ALMS1: variants seen among roughly 807,000 people sequenced by gnomAD.
ALMS1 encodes the protein centrosome-associated protein ALMS1.
ALMS1 carries 271 observed loss-of-function variants against 352.2 expected under a neutral mutation model. The ratio of observed to expected loss-of-function variants is 0.77; its 90% CI spans 0.70 to 0.85. The LOEUF is 0.85. Among genes scored for constraint, ALMS1 ranks in the 40% least tolerant of loss-of-function variants. ALMS1 has a pLI of 0.00. For missense variants in ALMS1, 5,445 were observed against 4,870.7 expected (o/e 1.12, Z -3.51); for synonymous variants, 1,865 against 1,761.2 (o/e 1.06, Z -1.48).
At chr2:73,460,133 T>A (rs1672157826) in intron 9 of ALMS1, among the ~76,000 whole-genome samples, 1 of 152,112 alleles carries the variant, frequency 6.6e-6, no homozygotes, top group African/African-American at 2.4e-5. Context: ...TTGTTTAAAC[T>A]CCCTTGTATG....
chr2:73,435,973 T>C (rs1408377330), intron 7 of ALMS1, among the ~76,000 whole-genome samples: 2 of 152,240 alleles, frequency 1.3e-5, no homozygotes, highest in Admixed American at 6.5e-5. Context: ...GTTACCGATG[T>C]AGTTATTTTT....
At chr2:73,541,939 A>G (rs1257205479) in intron 12 of ALMS1, among the ~76,000 whole-genome samples, 1 of 152,238 alleles carries the variant, frequency 6.6e-6, no homozygotes, top group Non-Finnish European at 1.5e-5. Flanking sequence ...TACCAGAGGT[A>G]CAAGGAGGAG....
chr2:73,445,033 AATTTGAGTTT>A (rs1671780579), intron 7 of ALMS1, among the ~76,000 whole-genome samples: 1 of 105,374 alleles, frequency 9.5e-6, no homozygotes, highest in Non-Finnish European at 2.5e-5. Flanking sequence ...AAAAAACATG[AATTTGAGTTT>A]ACTTCTCTGT....
At chr2:73,576,325 A>G (rs1675052876) in intron 16 of ALMS1, among the ~76,000 whole-genome samples, 1 of 152,076 alleles carries the variant, frequency 6.6e-6, no homozygotes, top group Non-Finnish European at 1.5e-5. Flanking sequence ...ATTTTAGTAA[A>G]TATTTTATTG....
intron 10 of ALMS1, among the ~76,000 whole-genome samples, chr2:73,497,476 G>T (rs1463459492): frequency 6.6e-6 from 1 of 151,926 alleles, no homozygotes; most frequent in Non-Finnish European, 1.5e-5. Context: ...ATATATTGCA[G>T]GTTCAGTTCC....
At chr2:73,424,966 G>A in intron 5 of ALMS1, 64 bp downstream of exon 5, 1 of 1,416,068 alleles carries the variant, frequency 7.1e-7, no homozygotes, top group East Asian at 2.4e-5. Flanking sequence ...ATTCCCAAGG[G>A]AAGTAACAAT....
At chr2:73,511,262 G>A (rs1461243644) in intron 10 of ALMS1, among the ~76,000 whole-genome samples, 3 of 152,086 alleles carry the variant, frequency 2.0e-5, no homozygotes, top group African/African-American at 7.2e-5. Flanking sequence ...AACTATCTCG[G>A]TGTCTGCCCA....
chr2:73,432,397 A>G (rs1671518122), intron 7 of ALMS1, 106 bp downstream of exon 7: 1 of 749,426 alleles, frequency 1.3e-6, no homozygotes, highest in Non-Finnish European at 2.3e-6. Context: ...TATAATAATT[A>G]TACTTCAGAT....
chr2:73,386,459 C>T (rs926889872), intron 1 of ALMS1, among the ~76,000 whole-genome samples: 3 of 152,136 alleles, frequency 2.0e-5, no homozygotes, highest in African/African-American at 4.8e-5. Context: ...CTGCATTCCC[C>T]GTGAGAAACG....
chr2:73,521,059 A>G (rs1673665032), intron 11 of ALMS1, among the ~76,000 whole-genome samples: 1 of 152,204 alleles, frequency 6.6e-6, no homozygotes, highest in South Asian at 2.1e-4. Flanking sequence ...CAGCATTTAA[A>G]TTGCATTGAA....
intron 12 of ALMS1, among the ~76,000 whole-genome samples, chr2:73,539,576 C>A (rs563276622): frequency 2.0e-5 from 3 of 152,050 alleles, no homozygotes; most frequent in Non-Finnish European, 4.4e-5. Context: ...CAAACTACTC[C>A]GAGCTAAAGG....
In ALMS1 at chr2:73,572,702, CAG is replaced by C. The variant is rs755616266; in HGVS notation, c.10828_10829del (p.Arg3610AlafsTer6). 6.2e-6 allele frequency: 10 copies of C among 1,613,948 alleles called. No individual in the cohort carries two copies. The East Asian group carries it at 2.0e-4, about 32-fold the overall frequency. ...NELWNKYRER[Q>X]RQQRQPELGD... ...ACTGTGGAACAAGTATCGGGAGCGA[CAG>C]AGGCAACAGAGACAGCCTGAGTTGG... On this transcript the variant is annotated frameshift_variant, in exon 16 of 23. Transcript: ENST00000613296. LOFTEE classifies it high-confidence loss of function.
Position 73,451,556 on chromosome 2 carries a change from C to T in ALMS1, c.5029C>T (p.Gln1677Ter). The T allele has an allele frequency of 6.2e-7, 1 of 1,614,002 alleles. No individual in the cohort carries two copies. The highest frequency in any genetic ancestry group is 2.2e-5 in the East Asian group (1 of 44,864). Residue 1677 changes from glutamine to a stop codon, truncating the protein, a stop_gained, in exon 8 of 23, where the codon CAG (glutamine) becomes TAG (stop). Coordinates refer to ENST00000613296, the MANE Select transcript of ALMS1 (RefSeq NM_001378454.1). LOFTEE classifies it high-confidence loss of function. ...NRGKPVIFYQQTLSDSHLPEE... is the reference protein window; with the variant it reads ...NRGKPVIFYQ Reference sequence around the variant, plus strand: ...GGGGAAGCCTGTCATTTTCTACCAGCAGACCCTATCAGACAGTCATTTACC... The same window carrying T: ...GGGGAAGCCTGTCATTTTCTACCAGTAGACCCTATCAGACAGTCATTTACC...
At position 73,532,894 on chromosome 2, in the gene ALMS1, T is replaced by C. The variant is rs751228297; in HGVS notation, c.9782-1930T>C. Among the ~76,000 whole-genome samples the C allele has an allele frequency of 7.2e-5, 11 of 152,198 alleles. No individual in the cohort carries two copies. The South Asian group carries it at 8.3e-4, about 11-fold the overall frequency. ...CTCACCCAGGTGAGTACTGCCTGGCTACCACTGCTCACTATTCAGGACCCA... is the reference window on the plus strand; with the variant it reads ...CTCACCCAGGTGAGTACTGCCTGGCCACCACTGCTCACTATTCAGGACCCA... On this transcript the variant is annotated intron_variant, in intron 11 of 22. Transcript: ENST00000613296.
intron 12 of ALMS1, among the ~76,000 whole-genome samples, chr2:73,536,569 A>G (rs1170107713): frequency 6.6e-6 from 1 of 152,180 alleles, no homozygotes; most frequent in Non-Finnish European, 1.5e-5. Context: ...CCTACACTGG[A>G]TGAAAGCCTA....
intron 11 of ALMS1, among the ~76,000 whole-genome samples, chr2:73,529,525 A>G (rs1673864782): frequency 6.6e-6 from 1 of 152,182 alleles, no homozygotes; most frequent in Non-Finnish European, 1.5e-5. Context: ...TAGTCTTCAC[A>G]GTCTGACTTT....
intron 10 of ALMS1, among the ~76,000 whole-genome samples, chr2:73,491,780 T>C (rs559387423): frequency 3.0e-4 from 45 of 152,338 alleles, no homozygotes; most frequent in African/African-American, 1.1e-3. Flanking sequence ...CATCCAATGA[T>C]ACAATTACGA....
At chr2:73,483,847 T>C (rs1348301278) in intron 9 of ALMS1, among the ~76,000 whole-genome samples, 13 of 146,336 alleles carry the variant, frequency 8.9e-5, no homozygotes, top group African/African-American at 3.3e-4. Flanking sequence ...TTGTCTCTTT[T>C]GATCTTTGTT....
chr2:73,555,540 A>G (rs1674524465), intron 13 of ALMS1, among the ~76,000 whole-genome samples: 1 of 152,212 alleles, frequency 6.6e-6, no homozygotes, highest in South Asian at 2.1e-4. Flanking sequence ...TGACCATGTG[A>G]TAATAAAAGA....
Sources: gnomAD v4.1 joint callset for allele counts (sites outside exome capture counted in the v4.1 genomes callset) on GRCh38, gnomAD v4.1.1 for gene constraint, MANE v1.5 for transcripts, NCBI Gene and HGNC (gene_info 2026-07-23, HGNC 2026-07-21) for gene names.